CEP55: variants seen among roughly 807,000 people sequenced by gnomAD.
CEP55 encodes centrosomal protein of 55 kDa.
Under a neutral mutation model 63.2 loss-of-function variants are expected in CEP55, and 57 were observed. The observed-to-expected ratio is 0.90, with a 90% CI of 0.73 to 1.13. The LOEUF (loss-of-function observed/expected upper bound fraction) is 1.13, where lower values mean the gene tolerates loss of function less well. Ranked by LOEUF, CEP55 falls within the 50% of genes most tolerant of loss-of-function variation. The pLI is 0.00. For missense variants in CEP55, 456 were observed against 518.9 expected, an observed-to-expected ratio of 0.88 and a Z score of 1.18; for synonymous variants, 178 against 191.6, an observed-to-expected ratio of 0.93 and a Z score of 0.59.
intron 3 of CEP55, among the ~76,000 whole-genome samples, chr10:93,504,117 T>A (rs2057663655): frequency 6.6e-6 from 1 of 152,214 alleles, no homozygotes; most frequent in Non-Finnish European, 1.5e-5. Flanking sequence ...GGTAAATGGT[T>A]ACTTATTGAT....
At chr10:93,517,295 C>G (rs752579586) in intron 6 of CEP55, 47 bp downstream of exon 6, 45 of 1,438,866 alleles carry the variant, frequency 3.1e-5, no homozygotes, top group Non-Finnish European at 3.8e-5. Context: ...CGAACACTTT[C>G]TAAGTGTCAG....
chr10:93,509,613 G>A lies in CEP55; in HGVS notation c.528+2557G>A, dbSNP rs1007540714. ...TGATTCTCATGCCTCAGCCTCCTGA[G>A]TAACAGGGATTACAGGTGCGTGCCA... On this transcript the variant is annotated intron_variant, in intron 4 of 8. Transcript: ENST00000371485. Among the ~76,000 whole-genome samples, 25 of 152,190 alleles carry A rather than the reference G, an allele frequency of 1.6e-4. No individual in the cohort carries two copies. The East Asian group carries it at 4.4e-3, about 27-fold the overall frequency.
chr10:93,522,406 G>A (rs948461388), intron 8 of CEP55, among the ~76,000 whole-genome samples: 8 of 152,108 alleles, frequency 5.3e-5, no homozygotes, highest in African/African-American at 1.2e-4. Flanking sequence ...AAAAAGAAAC[G>A]AACAAAGCCT....
chr10:93,516,824 ATGT>A, intron 5 of CEP55, 108 bp from the exon 6 acceptor site: 1 of 765,996 alleles, frequency 1.3e-6, no homozygotes, highest in Admixed American at 3.1e-5. Flanking sequence ...TTGACTTTTC[ATGT>A]TGTAAACTAA....
chr10:93,497,720 G>T (rs2134451145), intron 1 of CEP55, among the ~76,000 whole-genome samples: 1 of 152,026 alleles, frequency 6.6e-6, no homozygotes, highest in East Asian at 1.9e-4. Context: ...ATTGTGTAGG[G>T]GTGGGGGTGG....
chr10:93,517,761 A>T (rs1293211617), intron 6 of CEP55, among the ~76,000 whole-genome samples: 1 of 152,224 alleles, frequency 6.6e-6, no homozygotes, highest in Non-Finnish European at 1.5e-5. Flanking sequence ...TGTTGGAGTT[A>T]CTACGTTAGG....
chr10:93,505,200 T>C (rs1180079628), intron 3 of CEP55, among the ~76,000 whole-genome samples: 1 of 152,258 alleles, frequency 6.6e-6, no homozygotes, highest in East Asian at 1.9e-4. Flanking sequence ...GTCTGACTCC[T>C]ATAACAACTT....
At chr10:93,516,574 C>G (rs1324475503) in intron 5 of CEP55, among the ~76,000 whole-genome samples, 1 of 152,104 alleles carries the variant, frequency 6.6e-6, no homozygotes, top group Non-Finnish European at 1.5e-5. Flanking sequence ...TCCCAATCCC[C>G]GTTTCTTCCT....
chr10:93,518,137 A>C (rs1462747443), intron 6 of CEP55, among the ~76,000 whole-genome samples: 1 of 130,952 alleles, frequency 7.6e-6, no homozygotes, highest in African/African-American at 2.8e-5. Flanking sequence ...AACATTTGCC[A>C]TCTTAGTCTT....
chr10:93,523,943 TG>T (rs1166528820), intron 8 of CEP55, among the ~76,000 whole-genome samples: 1 of 152,170 alleles, frequency 6.6e-6, no homozygotes, highest in African/African-American at 2.4e-5. Flanking sequence ...TAAAGCAGTG[TG>T]TAGAGGGAAA....
intron 4 of CEP55, among the ~76,000 whole-genome samples, chr10:93,514,146 T>G (rs905018562): frequency 1.3e-5 from 2 of 152,124 alleles, no homozygotes; most frequent in African/African-American, 4.8e-5. Flanking sequence ...TTGGCCAGGC[T>G]GGTCTTGAAC....
At chr10:93,510,937 C>CTTTT (rs572255812) in intron 4 of CEP55, among the ~76,000 whole-genome samples, 85 of 118,088 alleles carry the variant, frequency 7.2e-4, no homozygotes, top group Non-Finnish European at 9.5e-4. Flanking sequence ...TTCCACAGGA[C>CTTTT]TTTTTTTTTT....
rs1200113263 is a variant in CEP55, at chr10:93,496,858, C to G, written c.-78C>G. ...CAGTCCTTTTCCCTGGCGCTCACTT[C>G]GTGCCTGGCACCCGGCTGGGCGCCT... On this transcript the variant is annotated 5_prime_UTR_variant, in exon 1 of 9. Coordinates refer to ENST00000371485, the MANE Select transcript of CEP55 (RefSeq NM_018131.5). The G allele has an allele frequency of 2.0e-5, 3 of 152,396 alleles. No individual in the cohort carries two copies. The highest frequency in any genetic ancestry group is 7.2e-5 in the African/African-American group (3 of 41,478). The allele number at this position is 152,396 out of a possible 1,614,324, so 9.4% of individuals were successfully genotyped here. A position where few individuals can be genotyped will look rare whatever the true frequency, so the allele number is the denominator to read the frequency against.
In CEP55 at chr10:93,506,041, C is replaced by T. The variant is rs114717583; in HGVS notation, c.460-947C>T. 7.4e-3 allele frequency among the ~76,000 whole-genome samples: 1,123 copies of T among 152,018 alleles called. 10 individuals are homozygous for T. Among genetic ancestry groups the T allele is most frequent in the African/African-American group, 0.026 (1,058 of 41,456 alleles). On this transcript the variant is annotated intron_variant, in intron 3 of 8. Coordinates refer to ENST00000371485, the MANE Select transcript of CEP55 (RefSeq NM_018131.5). ...GCCTGATCTTGGCTCACTGCAACCT[C>T]CTCCTCCCGGGTTCTGCCTCAGCCC...
At chr10:93,524,467 A>G (rs1443396138) in intron 8 of CEP55, among the ~76,000 whole-genome samples, 7 of 152,206 alleles carry the variant, frequency 4.6e-5, no homozygotes, top group Admixed American at 4.6e-4. Context: ...AACCAAAAAG[A>G]GTCCAGGACC....
At chr10:93,513,568 A>G (rs2057772735) in intron 4 of CEP55, among the ~76,000 whole-genome samples, 1 of 152,016 alleles carries the variant, frequency 6.6e-6, no homozygotes, top group Non-Finnish European at 1.5e-5. Flanking sequence ...AGGAAACACT[A>G]TATTGTATTG....
intron 4 of CEP55, chr10:93,510,473 T>C (rs2057734372): frequency 6.6e-6 from 1 of 152,196 alleles, no homozygotes; most frequent in South Asian, 2.1e-4. Flanking sequence ...CACTCTGTTT[T>C]TCCTCTTTCA....
chr10:93,522,151 GAAGTTCGAACCCGTGGCA>G (rs1458827719), intron 8 of CEP55, among the ~76,000 whole-genome samples: 1 of 152,230 alleles, frequency 6.6e-6, no homozygotes, highest in African/African-American at 2.4e-5. Flanking sequence ...GCTAAAGGAG[GAAGTTCGAACCCGTGGCA>G]AAGAAGTTGA....
intron 8 of CEP55, among the ~76,000 whole-genome samples, chr10:93,520,699 T>C (rs2057852050): frequency 6.6e-6 from 1 of 152,186 alleles, no homozygotes. Flanking sequence ...TTTTAAATTT[T>C]ATTCTACTAC....
Sources: gnomAD v4.1 joint callset for allele counts (sites outside exome capture counted in the v4.1 genomes callset) on GRCh38, gnomAD v4.1.1 for gene constraint, MANE v1.5 for transcripts, NCBI Gene and HGNC (gene_info 2026-07-23, HGNC 2026-07-21) for gene names.